The following PARD3B variants were observed in gnomAD, a reference collection of about 807,000 sequenced individuals.
The protein encoded by PARD3B is par-3 family cell polarity regulator beta.
Under a neutral mutation model 130.2 loss-of-function variants are expected in PARD3B, and 103 were observed. The ratio of observed to expected loss-of-function variants is 0.79; its 90% CI spans 0.67 to 0.93. PARD3B has a LOEUF of 0.93. PARD3B is among the 40% of genes least tolerant of loss of function. The pLI, the probability that PARD3B is intolerant of heterozygous loss-of-function variation, is 0.00. For missense variants in PARD3B, 1,609 were observed against 1,499.2 expected, an observed-to-expected ratio of 1.07 and a Z score of -1.21; for synonymous variants, 583 against 553.2, an observed-to-expected ratio of 1.05 and a Z score of -0.76.
intron 2 of PARD3B, among the ~76,000 whole-genome samples, chr2:204,869,913 A>C (rs2045568373): frequency 6.6e-6 from 1 of 152,190 alleles, no homozygotes; most frequent in Admixed American, 6.5e-5. Flanking sequence ...CAATGGCTGC[A>C]GGTGAGTGAT....
chr2:204,564,482 T>C (rs186999137), intron 1 of PARD3B, among the ~76,000 whole-genome samples: 1 of 152,284 alleles, frequency 6.6e-6, no homozygotes, highest in East Asian at 1.9e-4. Flanking sequence ...TTAGAAGACC[T>C]GAGGGAACGT....
chr2:204,613,742 T>G (rs2034011924), intron 1 of PARD3B, among the ~76,000 whole-genome samples: 1 of 152,168 alleles, frequency 6.6e-6, no homozygotes, highest in South Asian at 2.1e-4. Flanking sequence ...TTTTATTCCT[T>G]TTAAGCATAG....
Position 204,550,037 on chromosome 2 carries a change from G to T in PARD3B, c.120+3918G>T, listed in dbSNP as rs545806136. Among the ~76,000 whole-genome samples the T allele has an allele frequency of 1.1e-4, 16 of 152,040 alleles. No individual in the cohort carries two copies. The South Asian group carries it at 3.3e-3, about 32-fold the overall frequency. On this transcript the variant is annotated intron_variant, in intron 1 of 22. Coordinates refer to ENST00000406610, the MANE Select transcript of PARD3B (RefSeq NM_001302769.2). The stretch of plus-strand genomic sequence containing the variant: ...CCTTAAAGAATTCTTCCTATAGAAG[G>T]TGCTCAAATAATTGCTTAAAGTGAA...
chr2:205,124,966 A>G (rs928015707), intron 9 of PARD3B, among the ~76,000 whole-genome samples: 1 of 152,222 alleles, frequency 6.6e-6, no homozygotes, highest in African/African-American at 2.4e-5. Flanking sequence ...CAAAAGCAAG[A>G]GGGTGGCTGT....
chr2:205,075,318 A>G (rs1700975705), intron 4 of PARD3B, among the ~76,000 whole-genome samples: 1 of 152,058 alleles, frequency 6.6e-6, no homozygotes, highest in Admixed American at 6.6e-5. Context: ...GTACTAGTAA[A>G]CTTTGGTTAC....
intron 3 of PARD3B, among the ~76,000 whole-genome samples, chr2:205,004,667 T>C (rs548364544): frequency 6.6e-6 from 1 of 152,332 alleles, no homozygotes; most frequent in East Asian, 1.9e-4. Flanking sequence ...ATCAATAATA[T>C]TTTCATAAAT....
intron 19 of PARD3B, among the ~76,000 whole-genome samples, chr2:205,435,036 T>A (rs985423303): frequency 5.9e-5 from 9 of 152,148 alleles, no homozygotes; most frequent in Non-Finnish European, 1.2e-4. Context: ...TACCCATACC[T>A]GCACATGTAC....
rs895694623 is a variant in PARD3B, at chr2:205,458,635, G to A, written c.3044+17963G>A. Among the ~76,000 whole-genome samples, 2 of 152,106 alleles carry A rather than the reference G, an allele frequency of 1.3e-5. No individual in the cohort carries two copies. The highest frequency in any genetic ancestry group is 2.4e-5 in the African/African-American group (1 of 41,412). The stretch of plus-strand genomic sequence containing the variant: ...TTTTTTCTTGAATAAATTAATTGCA[G>A]TTATTTTAAGAACCATGTCTAATAA... On this transcript the variant is annotated intron_variant, in intron 20 of 22. Coordinates refer to ENST00000406610, the MANE Select transcript of PARD3B (RefSeq NM_001302769.2). The surrounding 1 kb of genome is among the most constrained non-coding windows in gnomAD (Gnocchi z 4.8).
rs1358235942 is a variant in PARD3B at position 205,177,566 on chromosome 2, T to C, written c.1924+989T>C. On this transcript the variant is annotated intron_variant, in intron 13 of 22. Coordinates refer to ENST00000406610, the MANE Select transcript of PARD3B (RefSeq NM_001302769.2). ...AATCAGTCCCTATATTTTGAACACT[T>C]AAGTGTTATCATAATTTAACTATGT... is the stretch of plus-strand genomic sequence containing the variant. 2.0e-5 allele frequency among the ~76,000 whole-genome samples: 3 copies of C among 152,320 alleles called. No homozygotes were observed. The East Asian group carries it at 5.8e-4, about 29-fold the overall frequency.
chr2:205,147,115 AAAAAC>A (rs1486412706), intron 10 of PARD3B, among the ~76,000 whole-genome samples: 1 of 152,244 alleles, frequency 6.6e-6, no homozygotes, highest in African/African-American at 2.4e-5. Flanking sequence ...AGAAAGAAGT[AAAAAC>A]AAAACAAAAC....
chr2:205,087,133 A>C (rs540465645), intron 4 of PARD3B, among the ~76,000 whole-genome samples: 1 of 152,212 alleles, frequency 6.6e-6, no homozygotes, highest in African/African-American at 2.4e-5. Context: ...AGTATTCATA[A>C]TACAAACAAA....
chr2:205,522,853 A>G (rs1448666172), intron 21 of PARD3B, among the ~76,000 whole-genome samples: 3 of 152,184 alleles, frequency 2.0e-5, no homozygotes, highest in Admixed American at 2.0e-4. Flanking sequence ...TTTAGGTATG[A>G]GAAATGTGTT....
At chr2:204,771,486 A>G (rs2041378282) in intron 2 of PARD3B, among the ~76,000 whole-genome samples, 1 of 152,088 alleles carries the variant, frequency 6.6e-6, no homozygotes, top group Admixed American at 6.6e-5. Flanking sequence ...TTTTATGGAC[A>G]TAAAGATGGC....
chr2:205,562,962 G>C lies in PARD3B; in HGVS notation c.3260+9559G>C, dbSNP rs1374368290. 2.0e-5 allele frequency among the ~76,000 whole-genome samples: 3 copies of C among 152,168 alleles called. No individual in the cohort carries two copies. The highest frequency in any genetic ancestry group is 7.2e-5 in the African/African-American group (3 of 41,426). ...GACAGAGACATTATGAATAAATGAA[G>C]TGTATTAATTTATTATAACATCTGA... On this transcript the variant is annotated intron_variant, in intron 22 of 22. Coordinates refer to ENST00000406610, the MANE Select transcript of PARD3B (RefSeq NM_001302769.2). The surrounding 1 kb of genome is among the most constrained non-coding windows in gnomAD (Gnocchi z 5.4).
At chr2:204,717,754 G>C (rs1199569382) in intron 2 of PARD3B, among the ~76,000 whole-genome samples, 1 of 152,188 alleles carries the variant, frequency 6.6e-6, no homozygotes, top group Non-Finnish European at 1.5e-5. Context: ...AGTATCTGGA[G>C]AGATGGCCAG....
intron 11 of PARD3B, among the ~76,000 whole-genome samples, chr2:205,159,893 A>G (rs1156299539): frequency 2.0e-5 from 3 of 152,212 alleles, no homozygotes; most frequent in Admixed American, 6.5e-5. Context: ...ATATGTGTCA[A>G]GTGCTTAGCA....
At position 205,615,715 on chromosome 2, in the gene PARD3B, G is replaced by T; in HGVS notation, c.3520G>T (p.Glu1174Ter). 6.2e-7 allele frequency: 1 copy of T among 1,614,094 alleles called. No homozygotes were observed. The highest frequency in any genetic ancestry group is 8.5e-7 in the Non-Finnish European group (1 of 1,180,024). ...GCACCAAAGAATGCCAGCCTATCAG[G>T]AAACAGGCAGACCAGGGCCCCGTGG... ...PQHQRMPAYQ[E>*]TGRPGPRGGS... Residue 1174 changes from glutamate to a stop codon, truncating the protein, a stop_gained, in exon 23 of 23, where the codon GAA (glutamate) becomes TAA (stop). Transcript: ENST00000406610. LOFTEE classifies it high-confidence loss of function.
chr2:205,413,355 A>G (rs2046666640), intron 19 of PARD3B, among the ~76,000 whole-genome samples: 1 of 151,954 alleles, frequency 6.6e-6, no homozygotes. Context: ...CTACCTCACC[A>G]TTTCCTTGGG....
intron 3 of PARD3B, among the ~76,000 whole-genome samples, chr2:205,042,413 G>A (rs886512424): frequency 6.6e-6 from 1 of 152,148 alleles, no homozygotes. Context: ...GTAAGTGAGT[G>A]TGTAAGTTTT....
Sources: gnomAD v4.1 joint callset for allele counts (sites outside exome capture counted in the v4.1 genomes callset) on GRCh38, gnomAD v4.1.1 for gene constraint, Gnocchi (gnomAD v3.1) non-coding constraint, MANE v1.5 for transcripts, NCBI Gene and HGNC (gene_info 2026-07-23, HGNC 2026-07-21) for gene names.